AGAP9: variants seen among roughly 807,000 people sequenced by gnomAD.
AGAP9 encodes the protein arf-GAP with GTPase, ANK repeat and PH domain-containing protein 9.
A neutral mutation model predicts 55.6 loss-of-function variants in AGAP9; 23 were observed. That is an observed-to-expected ratio of 0.41 (90% confidence interval 0.30 to 0.59). AGAP9 has a LOEUF of 0.59. Among genes scored for constraint, AGAP9 ranks in the 20% least tolerant of loss-of-function variants. The pLI is 0.25. For synonymous variants in AGAP9, 120 were observed against 305.0 expected, an observed-to-expected ratio of 0.39 and a Z score of 6.32; for missense variants, 309 against 808.1, an observed-to-expected ratio of 0.38 and a Z score of 7.49.
chr10:47,521,754 C>A (rs1175279232), intron 2 of AGAP9, among the ~76,000 whole-genome samples: 11 of 151,444 alleles, frequency 7.3e-5, no homozygotes, highest in Middle Eastern at 3.4e-3. Flanking sequence ...CCTCTGCCAA[C>A]AGTGTAGAGA....
intron 6 of AGAP9, among the ~76,000 whole-genome samples, chr10:47,504,836 C>A (rs1299827728): frequency 9.4e-5 from 12 of 127,234 alleles, no homozygotes; most frequent in East Asian, 8.4e-4. Context: ...CCTAAGAGGT[C>A]ATAACTGTTC....
Position 47,502,497 on chromosome 10 carries a change from C to T in AGAP9, c.1632G>A (p.Trp544Ter). ...SIGNELANSI[W>*]EGSSQGQTKP... is the part of the protein sequence containing the mutation. ...TTGTCTGCCCCTGGCTGCTCCCTTC[C>T]CAGATGCTGTTGGCTAGCTCATTGC... The change falls in exon 8 of 8, where the codon TGG becomes TGA. Residue 544 changes from tryptophan (W) to a stop codon, truncating the protein, a stop_gained. Transcript: ENST00000452145. LOFTEE classifies it high-confidence loss of function. The T allele has an allele frequency of 6.2e-7, 1 of 1,613,206 alleles. No individual in the cohort carries two copies. The highest frequency in any genetic ancestry group is 1.3e-5 in the African/African-American group (1 of 74,732).
At chr10:47,522,221 A>AAG (rs1840862356) in intron 2 of AGAP9, among the ~76,000 whole-genome samples, 2 of 141,862 alleles carry the variant, frequency 1.4e-5, no homozygotes, top group African/African-American at 5.3e-5. Flanking sequence ...TACACATTAA[A>AAG]AGTCTACGTT....
Position 47,502,073 on chromosome 10 carries a change from T to C in AGAP9, c.*79A>G, listed in dbSNP as rs1286798072. The stretch of plus-strand genomic sequence containing the variant: ...GGAGACTGCAGTCAAATAAAACAGA[T>C]ACTACACGCACTCGTCGGGGCAGCC... On this transcript the variant is annotated 3_prime_UTR_variant, in exon 8 of 8. Transcript: ENST00000452145. 3.6e-5 allele frequency: 56 copies of C among 1,562,376 alleles called. No homozygotes were observed. Among genetic ancestry groups the C allele is most frequent in the Admixed American group, 1.2e-4 (7 of 56,658 alleles).
intron 5 of AGAP9, among the ~76,000 whole-genome samples, chr10:47,509,037 A>C (rs1316036047): frequency 7.4e-6 from 1 of 135,406 alleles, no homozygotes; most frequent in Non-Finnish European, 1.5e-5. Context: ...TGAATACACC[A>C]AATGATTATT....
chr10:47,520,880 G>A (rs1484385568), intron 2 of AGAP9, among the ~76,000 whole-genome samples: 2 of 130,418 alleles, frequency 1.5e-5, no homozygotes, highest in African/African-American at 6.5e-5. Context: ...GGTAAATTTT[G>A]GCTTTGAGTT....
At chr10:47,522,291 C>G (rs1351634223) in intron 2 of AGAP9, among the ~76,000 whole-genome samples, 4 of 145,376 alleles carry the variant, frequency 2.8e-5, no homozygotes, top group African/African-American at 2.6e-5. Flanking sequence ...TCTTTTAGAA[C>G]AAGGAGGTAA....
At chr10:47,508,981 C>A (rs1190566473) in intron 5 of AGAP9, among the ~76,000 whole-genome samples, 1 of 132,216 alleles carries the variant, frequency 7.6e-6, no homozygotes. Flanking sequence ...CTTCTTGAAG[C>A]CAATTTGCCC....
In AGAP9 at chr10:47,502,656, A is replaced by T; in HGVS notation, c.1473T>A (p.Ser491Arg). ...TACACATGAGGACTCCCAAGTTCAA[A>T]CTGGCCCACTTAGGATTCTGGGTCT... ...DCETQNPKWA[S>R]LNLGVLMCIE... Residue 491 changes from serine to arginine, a missense_variant, in exon 8 of 8, where the codon AGT (serine) becomes AGA (arginine). Physicochemically the swap from Ser to Arg is moderately radical, Grantham distance 110. Transcript: ENST00000452145. 6.2e-7 allele frequency: 1 copy of T among 1,608,006 alleles called. No individual in the cohort carries two copies. The highest frequency in any genetic ancestry group is 1.1e-5 in the South Asian group (1 of 90,902).
rs1840371869 is a variant in AGAP9, at chr10:47,502,458, C to G, written c.1671G>C (p.Lys557Asn). ...ACCATTCCTTCTCTTCCCTCGTGGA[C>G]TTTATTGAGGGTTTTGTCTGCCCCT... Reference protein sequence around the residue: ...SSQGQTKPSIKSTREEKEWWI... With the variant: ...SSQGQTKPSINSTREEKEWWI... Residue 557 changes from lysine (K) to asparagine (N), a missense_variant, in exon 8 of 8, where the codon AAG becomes AAC. By Grantham distance (94) the Lys-to-Asn change is moderately conservative. Transcript: ENST00000452145. 43 of 1,612,754 alleles carry G rather than the reference C, an allele frequency of 2.7e-5. No homozygotes were observed. Among genetic ancestry groups the G allele is most frequent in the Non-Finnish European group, 3.5e-5 (41 of 1,179,946 alleles).
At position 47,518,416 on chromosome 10, in the gene AGAP9, AT is replaced by A. The variant is rs1367001773; in HGVS notation, c.362-560del. On this transcript the variant is annotated intron_variant, in intron 3 of 7. Coordinates refer to ENST00000452145, the MANE Select transcript of AGAP9 (RefSeq NM_001190810.1). The stretch of plus-strand genomic sequence containing the variant: ...CACAACTGGAAAGTAACGTATCTTA[AT>A]TTTTTTTTTTTTGAGATGGAGTCTC... Among the ~76,000 whole-genome samples, 88 of 100,238 alleles carry A rather than the reference AT, an allele frequency of 8.8e-4. 1 individual carries two copies. The highest frequency in any genetic ancestry group is 7.8e-4 in the Non-Finnish European group (40 of 51,386). 65.8% of individuals were successfully genotyped at this position (100,238 alleles called of 152,430 possible).
At position 47,511,013 on chromosome 10, in the gene AGAP9, G is replaced by A. The variant is rs1206293744; in HGVS notation, c.397-742C>T. Among the ~76,000 whole-genome samples, 128 of 126,474 alleles carry A rather than the reference G, an allele frequency of 1.0e-3. 10 individuals carry two copies. The South Asian group carries it at 0.033, about 32-fold the overall frequency. The allele number at this position is 126,474 out of a possible 152,430, so 83.0% of individuals were successfully genotyped here. A position where few individuals can be genotyped will look rare whatever the true frequency, so the allele number is the denominator to read the frequency against. ...GGCTGGAGTGCAGTGGCGCGATCTC[G>A]GCTCACTGCAAGCTCCGCCTCCCGG... On this transcript the variant is annotated intron_variant, in intron 4 of 7. Coordinates refer to ENST00000452145, the MANE Select transcript of AGAP9 (RefSeq NM_001190810.1).
Position 47,503,254 on chromosome 10 carries a change from C to G in AGAP9, c.875G>C (p.Arg292Pro), listed in dbSNP as rs1179585558. 1 of 1,544,816 alleles carries G rather than the reference C, an allele frequency of 6.5e-7. No homozygotes were observed. The highest frequency in any genetic ancestry group is 1.4e-5 in the African/African-American group (1 of 69,304). ...IPIKQGMLLK[R>P]SGKWLKTWKK... ...CCATGTCTTCAGCCATTTTCCACTT[C>G]GCTTTAAGAGCATGCCCTGTTTAAT... The change falls in exon 8 of 8, where the codon CGA becomes CCA. Residue 292 changes from arginine to proline, a missense_variant. Coordinates refer to ENST00000452145, the MANE Select transcript of AGAP9 (RefSeq NM_001190810.1).
intron 4 of AGAP9, among the ~76,000 whole-genome samples, chr10:47,514,178 T>G (rs1480216487): frequency 4.2e-5 from 6 of 143,608 alleles, no homozygotes; most frequent in Non-Finnish European, 7.6e-5. Context: ...CAAATTACAA[T>G]TACAAAAATA....
rs1454304835 is a variant in AGAP9 at position 47,505,515 on chromosome 10, C to T, written c.534-1275G>A. ...GCTTTTTTTTTGTTTTTAAAGAATCCGTGATTTAACTGTGAACTGAAAAAT... is the reference window on the plus strand; with the variant it reads ...GCTTTTTTTTTGTTTTTAAAGAATCTGTGATTTAACTGTGAACTGAAAAAT... On this transcript the variant is annotated intron_variant, in intron 6 of 7. Transcript: ENST00000452145. Among the ~76,000 whole-genome samples the T allele has an allele frequency of 1.4e-4, 20 of 138,178 alleles. 2 individuals carry two copies. The highest frequency in any genetic ancestry group is 2.0e-4 in the Non-Finnish European group (13 of 64,166). The allele number at this position is 138,178 out of a possible 152,430, so 90.7% of individuals were successfully genotyped here. A position where few individuals can be genotyped will look rare whatever the true frequency, so the allele number is the denominator to read the frequency against.
chr10:47,502,433 A>C lies in AGAP9; in HGVS notation c.1696T>G (p.Trp566Gly). The part of the protein sequence containing the change: ...IKSTREEKEW[W>G]IRSKYEEKLF... ...TTCTCCTCATATTTGGAACGGATCC[A>C]CCATTCCTTCTCTTCCCTCGTGGAC... Residue 566 changes from tryptophan (W) to glycine (G), a missense_variant, in exon 8 of 8, where the codon TGG becomes GGG. Trp to Gly is a radical substitution (Grantham distance 184). Coordinates refer to ENST00000452145, the MANE Select transcript of AGAP9 (RefSeq NM_001190810.1). 6.2e-7 allele frequency: 1 copy of C among 1,611,380 alleles called. No homozygotes were observed. Among genetic ancestry groups the C allele is most frequent in the Non-Finnish European group, 8.5e-7 (1 of 1,179,826 alleles).
In AGAP9 at chr10:47,511,026, C is replaced by T. The variant is rs1413047952; in HGVS notation, c.397-755G>A. 1.6e-5 allele frequency among the ~76,000 whole-genome samples: 2 copies of T among 127,086 alleles called. 1 individual carries two copies. The highest frequency in any genetic ancestry group is 3.2e-5 in the Non-Finnish European group (2 of 62,114). 83.4% of individuals were successfully genotyped at this position (127,086 alleles called of 152,430 possible). On this transcript the variant is annotated intron_variant, in intron 4 of 7. Transcript: ENST00000452145. ...TGGCGCGATCTCGGCTCACTGCAAGCTCCGCCTCCCGGGTTCACGCCATTC... is the reference window on the plus strand; with the variant it reads ...TGGCGCGATCTCGGCTCACTGCAAGTTCCGCCTCCCGGGTTCACGCCATTC...
chr10:47,522,147 G>A (rs1401344135), intron 2 of AGAP9, among the ~76,000 whole-genome samples: 1 of 142,502 alleles, frequency 7.0e-6, no homozygotes, highest in African/African-American at 2.6e-5. Flanking sequence ...AGGGACAAAG[G>A]GGGAGCCACG....
At chr10:47,522,492 T>C (rs1840869980) in intron 2 of AGAP9, among the ~76,000 whole-genome samples, 1 of 150,750 alleles carries the variant, frequency 6.6e-6, no homozygotes, top group African/African-American at 2.5e-5. Flanking sequence ...TCTCCTTTTT[T>C]CTTTTTCCTT....
Sources: gnomAD v4.1 joint callset for allele counts (sites outside exome capture counted in the v4.1 genomes callset) on GRCh38, gnomAD v4.1.1 for gene constraint, MANE v1.5 for transcripts, NCBI Gene and HGNC (gene_info 2026-07-23, HGNC 2026-07-21) for gene names.